The following TNFSF4 variants were observed in gnomAD, a reference collection of about 807,000 sequenced individuals.
The protein encoded by TNFSF4 is tumor necrosis factor ligand superfamily member 4.
Under a neutral mutation model 7.3 loss-of-function variants are expected in TNFSF4, and 4 were observed. That is an observed-to-expected ratio of 0.55 (90% confidence interval 0.27 to 1.25). TNFSF4 has a LOEUF of 1.25. TNFSF4 is among the 50% of genes most tolerant of loss of function. The probability of loss-of-function intolerance (pLI) is 0.12; values close to 1 mark genes in which losing one functional copy is unlikely to be tolerated. For synonymous variants in TNFSF4, 76 were observed against 83.7 expected, an observed-to-expected ratio of 0.91 and a Z score of 0.50; for missense variants, 181 against 208.8, an observed-to-expected ratio of 0.87 and a Z score of 0.82.
chr1:173,274,681 G>A, the TNFSF4 span, among the ~76,000 whole-genome samples: 3 of 152,000 alleles, frequency 2.0e-5, no homozygotes, highest in Non-Finnish European at 4.4e-5. Context: ...CCCAGAAAAA[G>A]AATTCAGAGA....
chr1:173,219,763 T>C, the TNFSF4 span, among the ~76,000 whole-genome samples: 1 of 151,970 alleles, frequency 6.6e-6, no homozygotes, highest in Admixed American at 6.6e-5. Flanking sequence ...TGGATGAAAT[T>C]AGAGGCCATT....
At chr1:173,294,256 A>G in the TNFSF4 span, among the ~76,000 whole-genome samples, 1 of 152,062 alleles carries the variant, frequency 6.6e-6, no homozygotes, top group Non-Finnish European at 1.5e-5. Flanking sequence ...ATATACAAAT[A>G]GAATACTACA....
At chr1:173,345,702 C>G in the TNFSF4 span, among the ~76,000 whole-genome samples, 3 of 152,082 alleles carry the variant, frequency 2.0e-5, no homozygotes, top group African/African-American at 7.2e-5. Context: ...AGGACAGAGC[C>G]CAAGAGTGAG....
chr1:173,423,004 T>C, the TNFSF4 span, among the ~76,000 whole-genome samples: 1 of 151,948 alleles, frequency 6.6e-6, no homozygotes, highest in Non-Finnish European at 1.5e-5. Context: ...AGTCTCGCTC[T>C]GTTGCCCACA....
At chr1:173,275,618 CT>C in the TNFSF4 span, among the ~76,000 whole-genome samples, 1 of 152,164 alleles carries the variant, frequency 6.6e-6, no homozygotes, top group Non-Finnish European at 1.5e-5. Flanking sequence ...ACTTGCAGAT[CT>C]CTTATTACCA....
the TNFSF4 span, among the ~76,000 whole-genome samples, chr1:173,224,929 A>G: frequency 6.6e-6 from 1 of 152,050 alleles, no homozygotes; most frequent in Non-Finnish European, 1.5e-5. Context: ...CAATTAATTG[A>G]CTACACCATT....
the TNFSF4 span, among the ~76,000 whole-genome samples, chr1:173,424,895 C>T: frequency 6.6e-6 from 1 of 152,298 alleles, no homozygotes; most frequent in East Asian, 1.9e-4. Context: ...CTGAAGAATG[C>T]GACCAGACAG....
chr1:173,177,326 G>A, the TNFSF4 span, among the ~76,000 whole-genome samples: 3 of 152,106 alleles, frequency 2.0e-5, no homozygotes, highest in South Asian at 6.2e-4. Flanking sequence ...ATTATACTAA[G>A]CAAACTAATG....
the TNFSF4 span, chr1:173,418,555 TCTGGCGAAG>T: frequency 6.6e-6 from 1 of 151,926 alleles, no homozygotes; most frequent in African/African-American, 2.4e-5. Flanking sequence ...CTGTAAGGAA[TCTGGCGAAG>T]CTTGATTTGG....
At chr1:173,442,513 GTTTGGTTTTCGGTT>G in the TNFSF4 span, among the ~76,000 whole-genome samples, 44 of 118,990 alleles carry the variant, frequency 3.7e-4, no homozygotes, top group African/African-American at 1.3e-3. Flanking sequence ...TTTTTTGTTT[GTTTGGTTTTCGGTT>G]TTTGGTTTTT....
the TNFSF4 span, among the ~76,000 whole-genome samples, chr1:173,329,266 C>T: frequency 2.0e-5 from 3 of 152,094 alleles, no homozygotes; most frequent in Admixed American, 6.6e-5. Flanking sequence ...TTGCATATAA[C>T]GTATGCACAT....
At chr1:173,306,082 A>G in the TNFSF4 span, among the ~76,000 whole-genome samples, 3 of 151,776 alleles carry the variant, frequency 2.0e-5, no homozygotes, top group South Asian at 6.2e-4. Context: ...ATCTCATCTC[A>G]TCTCTGAAAT....
chr1:173,246,333 T>G, the TNFSF4 span, among the ~76,000 whole-genome samples: 2 of 152,130 alleles, frequency 1.3e-5, no homozygotes, highest in Non-Finnish European at 2.9e-5. Flanking sequence ...CAGGTTCCAG[T>G]GTGTGTCATT....
chr1:173,406,262 GA>G, the TNFSF4 span, among the ~76,000 whole-genome samples: 7 of 152,116 alleles, frequency 4.6e-5, no homozygotes, highest in East Asian at 3.9e-4. Flanking sequence ...CTACTAGGGG[GA>G]AAAAAAGCAC....
At chr1:173,333,877 T>C in the TNFSF4 span, among the ~76,000 whole-genome samples, 1 of 151,978 alleles carries the variant, frequency 6.6e-6, no homozygotes, top group Non-Finnish European at 1.5e-5. Flanking sequence ...CTACATCAGC[T>C]CTCCTGGTTT....
At chr1:173,363,559 C>A in the TNFSF4 span, 1 of 505,934 alleles carries the variant, frequency 2.0e-6, no homozygotes, top group Non-Finnish European at 4.0e-6. Flanking sequence ...TCTGCTGTTG[C>A]TTTCTGGATA....
the TNFSF4 span, among the ~76,000 whole-genome samples, chr1:173,399,421 T>C: frequency 6.6e-6 from 1 of 152,252 alleles, no homozygotes; most frequent in Admixed American, 6.5e-5. Flanking sequence ...TGGGCAGAAC[T>C]TCAAGCAATG....
chr1:173,228,820 A>G, the TNFSF4 span, among the ~76,000 whole-genome samples: 1 of 152,218 alleles, frequency 6.6e-6, no homozygotes, highest in Non-Finnish European at 1.5e-5. Flanking sequence ...AACTGGAAGA[A>G]AGGGGATCAG....
At chr1:173,443,809 G>A in the TNFSF4 span, among the ~76,000 whole-genome samples, 4 of 152,078 alleles carry the variant, frequency 2.6e-5, no homozygotes, top group Non-Finnish European at 4.4e-5. Context: ...CCAACACAAG[G>A]CACTGTTTTC....
Sources: gnomAD v4.1 joint callset for allele counts (sites outside exome capture counted in the v4.1 genomes callset) on GRCh38, gnomAD v4.1.1 for gene constraint, MANE v1.5 for transcripts, NCBI Gene and HGNC (gene_info 2026-07-23, HGNC 2026-07-21) for gene names.